Variants in SMC6 observed in about 807,000 individuals in gnomAD.
SMC6 encodes the protein structural maintenance of chromosomes 6.
Under a neutral mutation model 142.2 loss-of-function variants are expected in SMC6, and 79 were observed. That is an observed-to-expected ratio of 0.56 (90% CI 0.46 to 0.67). The LOEUF is 0.67. Ranked by LOEUF, SMC6 falls within the 30% of genes least tolerant of loss-of-function variation. SMC6 has a pLI of 0.00. For synonymous variants in SMC6, 411 were observed against 412.4 expected (o/e 1.00, Z 0.04); for missense variants, 1,072 against 1,284.0 (o/e 0.83, Z 2.52).
At chr2:17,685,215 A>G (rs1205561768) in intron 23 of SMC6, among the ~76,000 whole-genome samples, 2 of 152,130 alleles carry the variant, frequency 1.3e-5, no homozygotes, top group Non-Finnish European at 1.5e-5. Flanking sequence ...AAAAAAACCA[A>G]AACAATGAAA....
chr2:17,735,192 C>G (rs1180575862), intron 5 of SMC6, among the ~76,000 whole-genome samples: 1 of 151,988 alleles, frequency 6.6e-6, no homozygotes, highest in South Asian at 2.1e-4. Flanking sequence ...TTCCCCTTTA[C>G]ACTGATATGG....
chr2:17,708,465 G>A (rs139857299), intron 17 of SMC6, among the ~76,000 whole-genome samples, 174 bp downstream of exon 17: 336 of 152,156 alleles, frequency 2.2e-3, no homozygotes, highest in Admixed American at 4.1e-3. Context: ...GGCAGAAAAC[G>A]TACAAATCAA....
At chr2:17,727,780 A>G (rs182834157) in intron 7 of SMC6, among the ~76,000 whole-genome samples, 2 of 152,304 alleles carry the variant, frequency 1.3e-5, no homozygotes, top group Admixed American at 6.5e-5. Context: ...TACAAAATAA[A>G]TATTGTGTAA....
chr2:17,750,089 A>G (rs1035382707), intron 2 of SMC6, among the ~76,000 whole-genome samples: 3 of 152,208 alleles, frequency 2.0e-5, no homozygotes, highest in Non-Finnish European at 4.4e-5. Flanking sequence ...CCCATCTAAA[A>G]TTTCAGGATC....
chr2:17,687,027 A>C (rs996120901), intron 23 of SMC6, among the ~76,000 whole-genome samples: 1 of 152,188 alleles, frequency 6.6e-6, no homozygotes, highest in Non-Finnish European at 1.5e-5. Flanking sequence ...CTATATGCCA[A>C]TATTCCAAAA....
intron 14 of SMC6, 91 bp from the exon 15 acceptor site, chr2:17,716,355 C>T (rs778094629): frequency 4.2e-5 from 52 of 1,225,916 alleles, no homozygotes; most frequent in South Asian, 5.9e-5. Flanking sequence ...TCCCAGTGAA[C>T]GACCCAGCTA....
intron 17 of SMC6, among the ~76,000 whole-genome samples, chr2:17,707,986 A>G (rs181753893): frequency 1.5e-3 from 171 of 114,690 alleles, no homozygotes; most frequent in Non-Finnish European, 2.3e-3. Context: ...ACATATGTAT[A>G]TGTATATATA....
chr2:17,731,736 CA>C lies in SMC6; in HGVS notation c.481+4del. 6.2e-7 allele frequency: 1 copy of C among 1,608,664 alleles called. No individual in the cohort carries two copies. Among genetic ancestry groups the C allele is most frequent in the Non-Finnish European group, 8.5e-7 (1 of 1,178,078 alleles). On this transcript the variant is annotated splice_donor_region_variant and intron_variant, in intron 6 of 27. Coordinates refer to ENST00000448223, the MANE Select transcript of SMC6 (RefSeq NM_001142286.2). ...ATAAGAAATGAAAAGAGAATCAAAA[CA>C]AACCTGTTGCACTTTTAAGTTTATA...
intron 2 of SMC6, among the ~76,000 whole-genome samples, chr2:17,749,725 T>C (rs551178800): frequency 2.6e-5 from 4 of 152,282 alleles, no homozygotes; most frequent in Middle Eastern, 3.4e-3. Context: ...GAGTTCATTA[T>C]TGCATGTAGA....
chr2:17,735,497 C>T (rs1418713380), intron 5 of SMC6, among the ~76,000 whole-genome samples: 2 of 152,160 alleles, frequency 1.3e-5, no homozygotes, highest in Non-Finnish European at 2.9e-5. Context: ...AAATCAGGAA[C>T]ATAAAACAGG....
intron 19 of SMC6, among the ~76,000 whole-genome samples, chr2:17,702,703 T>C (rs965883478): frequency 3.9e-5 from 6 of 152,088 alleles, no homozygotes; most frequent in African/African-American, 9.7e-5. Context: ...TCCCCCCTAC[T>C]GTTCTTGTGG....
intron 7 of SMC6, among the ~76,000 whole-genome samples, chr2:17,727,146 T>G (rs1669667234): frequency 6.6e-6 from 1 of 152,204 alleles, no homozygotes; most frequent in Non-Finnish European, 1.5e-5. Flanking sequence ...TAAACCTGAT[T>G]GGATTGAAGG....
intron 4 of SMC6, among the ~76,000 whole-genome samples, chr2:17,739,536 T>A (rs953268773): frequency 6.6e-6 from 1 of 151,922 alleles, no homozygotes; most frequent in African/African-American, 2.4e-5. Flanking sequence ...TCCCAGCTAT[T>A]TGGGAGGCTA....
intron 5 of SMC6, among the ~76,000 whole-genome samples, chr2:17,734,008 A>G (rs376226489): frequency 1.3e-4 from 20 of 152,340 alleles, no homozygotes; most frequent in African/African-American, 4.8e-4. Context: ...CACTTTTCAC[A>G]AGGAGAGACA....
At chr2:17,726,271 T>C in intron 8 of SMC6, 118 bp downstream of exon 8, 1 of 626,844 alleles carries the variant, frequency 1.6e-6, no homozygotes, top group Non-Finnish European at 2.6e-6. Context: ...TTACTTTAAA[T>C]AGATGGCTTT....
rs574342949 is a variant in SMC6 at position 17,701,340 on chromosome 2, G to A, written c.2223+489C>T. Among the ~76,000 whole-genome samples, 10 of 151,904 alleles carry A rather than the reference G, an allele frequency of 6.6e-5. No individual in the cohort carries two copies. In the South Asian group the frequency reaches 1.5e-3, roughly 22 times the overall value. On this transcript the variant is annotated intron_variant, in intron 20 of 27. Coordinates refer to ENST00000448223, the MANE Select transcript of SMC6 (RefSeq NM_001142286.2). ...TACTGCAACTCAGAAAAAGCTAAGT[G>A]TCATAAACAGATTCCCGAAAAAAAG...
chr2:17,691,752 T>G (rs1377851714), intron 23 of SMC6, among the ~76,000 whole-genome samples: 1 of 152,016 alleles, frequency 6.6e-6, no homozygotes, highest in East Asian at 1.9e-4. Context: ...GGGTATTCAA[T>G]TAGGAAAAGA....
intron 23 of SMC6, among the ~76,000 whole-genome samples, chr2:17,692,234 G>A (rs1667766493): frequency 6.6e-6 from 1 of 152,152 alleles, no homozygotes; most frequent in Non-Finnish European, 1.5e-5. Context: ...CCAAAAAAGA[G>A]CCCGCGTTGC....
Position 17,718,210 on chromosome 2 carries a change from T to G in SMC6, c.959A>C (p.Glu320Ala), listed in dbSNP as rs1261054059. Residue 320 changes from glutamate (E) to alanine (A), a missense_variant, in exon 12 of 28, where the codon GAG becomes GCG. Physicochemically the swap from Glu to Ala is moderately radical, Grantham distance 107. Transcript: ENST00000448223. ...AATATCCTTGTACTTTTGTTCTGCC[T>G]CATTAAGTCTGACCTTTAAGAAAAT... Reference protein sequence around the residue: ...KMEEQQVRLNEAEQKYKDIQD... With the variant: ...KMEEQQVRLNAAEQKYKDIQD... The G allele has an allele frequency of 4.4e-6, 7 of 1,598,800 alleles. No individual in the cohort carries two copies. The South Asian group carries it at 8.1e-5, about 18-fold the overall frequency.
Sources: gnomAD v4.1 joint callset for allele counts (sites outside exome capture counted in the v4.1 genomes callset) on GRCh38, gnomAD v4.1.1 for gene constraint, MANE v1.5 for transcripts, NCBI Gene and HGNC (gene_info 2026-07-23, HGNC 2026-07-21) for gene names.